Variants in OSBPL9 observed in about 807,000 individuals in gnomAD.
OSBPL9 encodes oxysterol-binding protein-related protein 9.
A neutral mutation model predicts 106.6 loss-of-function variants in OSBPL9; 40 were observed. The ratio of observed to expected loss-of-function variants is 0.38; its 90% confidence interval spans 0.29 to 0.49. The LOEUF (loss-of-function observed/expected upper bound fraction) is 0.49. Ranked by LOEUF, OSBPL9 falls within the 20% of genes least tolerant of loss-of-function variation. The probability of loss-of-function intolerance (pLI) is 0.97; values close to 1 mark genes in which losing one functional copy is unlikely to be tolerated. For missense variants in OSBPL9, 609 were observed against 887.2 expected (o/e 0.69, Z 3.98); for synonymous variants, 269 against 295.4 (o/e 0.91, Z 0.92).
chr1:51,729,939 C>A lies in OSBPL9; in HGVS notation c.319-15597C>A. The stretch of plus-strand genomic sequence containing the variant: ...GTGCTCGGGAGCAGCCCCCGGCTAC[C>A]TCCCCTGGAGGCACAGAGGGCGGGG... On this transcript the variant is annotated intron_variant, in intron 4 of 23. Coordinates refer to ENST00000428468, the MANE Select transcript of OSBPL9 (RefSeq NM_024586.6). The surrounding 1 kb of genome is among the most constrained non-coding windows in gnomAD (Gnocchi z 5.1). The A allele has an allele frequency of 5.3e-6, 7 of 1,310,384 alleles. No homozygotes were observed. The highest frequency in any genetic ancestry group is 6.9e-6 in the Non-Finnish European group (7 of 1,021,360). The allele number at this position is 1,310,384 out of a possible 1,614,324, so 81.2% of individuals were successfully genotyped here.
chr1:51,782,861 G>T lies in OSBPL9; in HGVS notation c.1513+218G>T, dbSNP rs1676719154. Among the ~76,000 whole-genome samples, 7 of 152,158 alleles carry T rather than the reference G, an allele frequency of 4.6e-5. No homozygotes were observed. In the South Asian group the frequency reaches 1.5e-3, roughly 32 times the overall value. ...ACAAATTAAGTGCGTATAAAAAGAA[G>T]GGATTTAGGAAACCAACTTTTAATG... is the stretch of plus-strand genomic sequence containing the variant. On this transcript the variant is annotated intron_variant, in intron 17 of 23. Coordinates refer to ENST00000428468, the MANE Select transcript of OSBPL9 (RefSeq NM_024586.6).
chr1:51,539,711 G>T, the OSBPL9 span, among the ~76,000 whole-genome samples: 1 of 152,104 alleles, frequency 6.6e-6, no homozygotes, highest in Non-Finnish European at 1.5e-5. Context: ...TTTGCCCAAG[G>T]TCACACAGCC....
chr1:51,747,100 G>A (rs1364678630), intron 6 of OSBPL9, among the ~76,000 whole-genome samples: 2 of 152,114 alleles, frequency 1.3e-5, no homozygotes, highest in Non-Finnish European at 2.9e-5. Flanking sequence ...CTCCCAAGTA[G>A]CTGGGATTAC....
At chr1:51,713,968 AACTT>A in intron 3 of OSBPL9, 31 bp from the exon 4 acceptor site, 1 of 1,509,838 alleles carries the variant, frequency 6.6e-7, no homozygotes, top group Non-Finnish European at 9.1e-7. Context: ...TATAGAATTA[AACTT>A]TTAATTTTAA....
At chr1:51,741,000 C>T (rs1666772504) in intron 4 of OSBPL9, among the ~76,000 whole-genome samples, 10 of 152,178 alleles carry the variant, frequency 6.6e-5, no homozygotes, top group Admixed American at 6.5e-4. Flanking sequence ...TCTTGCAGTA[C>T]TCCTTTTAAT....
At chr1:51,621,849 C>G (rs569972274) in intron 1 of OSBPL9, among the ~76,000 whole-genome samples, 1 of 152,208 alleles carries the variant, frequency 6.6e-6, no homozygotes, top group South Asian at 2.1e-4. Flanking sequence ...GTTCCTTTGT[C>G]CTCTGTATTT....
At chr1:51,598,365 T>C (rs1480887955) in intron 2 of OSBPL9, among the ~76,000 whole-genome samples, 1 of 152,274 alleles carries the variant, frequency 6.6e-6, no homozygotes, top group East Asian at 1.9e-4. Flanking sequence ...GAATGCCAAC[T>C]GGAGGAGTTT....
chr1:51,697,921 T>C (rs916181168), intron 3 of OSBPL9, among the ~76,000 whole-genome samples: 2 of 151,786 alleles, frequency 1.3e-5, no homozygotes, highest in Non-Finnish European at 2.9e-5. Flanking sequence ...CAAATTGTTC[T>C]CTGGATTAGT....
At chr1:51,585,438 T>C (rs888823722) in intron 1 of OSBPL9, among the ~76,000 whole-genome samples, 1 of 152,148 alleles carries the variant, frequency 6.6e-6, no homozygotes, top group Non-Finnish European at 1.5e-5. Flanking sequence ...GCTAAGACTA[T>C]GCTTAATAAA....
chr1:51,685,453 G>GC (rs1461841430), intron 3 of OSBPL9, among the ~76,000 whole-genome samples: 1 of 151,984 alleles, frequency 6.6e-6, no homozygotes, highest in Non-Finnish European at 1.5e-5. Flanking sequence ...TGTCACTCAG[G>GC]CTGGAGTATA....
intron 4 of OSBPL9, among the ~76,000 whole-genome samples, chr1:51,722,323 A>C (rs1320955946): frequency 6.6e-6 from 1 of 152,232 alleles, no homozygotes; most frequent in East Asian, 1.9e-4. Context: ...TTTCAGAATA[A>C]AGTGACCAAC....
chr1:51,722,164 T>TAGAC (rs888497942), intron 4 of OSBPL9, among the ~76,000 whole-genome samples: 3 of 140,074 alleles, frequency 2.1e-5, no homozygotes, highest in Admixed American at 2.1e-4. Flanking sequence ...CTAAAATAAA[T>TAGAC]AGATAGATAG....
intron 1 of OSBPL9, among the ~76,000 whole-genome samples, chr1:51,634,480 TTTGAATCCAAGTCGGCTGAAA>T (rs1645297693): frequency 6.6e-6 from 1 of 152,164 alleles, no homozygotes; most frequent in South Asian, 2.1e-4. Context: ...CCTCTGAAGG[TTTGAATCCAAGTCGGCTGAAA>T]TGAGTTGACA....
At position 51,586,775 on chromosome 1, in the gene OSBPL9, G is replaced by A. The variant is rs114941057; in HGVS notation, c.-423+9519G>A. On this transcript the variant is annotated intron_variant, in intron 1 of 25. Coordinates refer to the OSBPL9 transcript ENST00000371714. ...GCCCCTTGGGGTGGCTGGTCCCAGG[G>A]CTGTGGTGGGAAGCTCTTACAGATT... is the stretch of plus-strand genomic sequence containing the variant. 5.0e-3 allele frequency among the ~76,000 whole-genome samples: 763 copies of A among 152,298 alleles called. 1 individual carries two copies. The highest frequency in any genetic ancestry group is 8.3e-3 in the Non-Finnish European group (563 of 68,014).
At chr1:51,595,261 G>T (rs144669061) in intron 1 of OSBPL9, among the ~76,000 whole-genome samples, 2 of 152,242 alleles carry the variant, frequency 1.3e-5, no homozygotes, top group East Asian at 3.9e-4. Context: ...GCTGAGGCTT[G>T]CCTCTGGGGT....
At chr1:51,607,385 C>T (rs760630176) in intron 2 of OSBPL9, among the ~76,000 whole-genome samples, 8 of 152,104 alleles carry the variant, frequency 5.3e-5, no homozygotes, top group Non-Finnish European at 7.4e-5. Context: ...TGATCTCAAA[C>T]TCCTGACCTC....
At chr1:51,672,216 A>G (rs1032827331) in intron 3 of OSBPL9, among the ~76,000 whole-genome samples, 1 of 152,204 alleles carries the variant, frequency 6.6e-6, no homozygotes, top group African/African-American at 2.4e-5. Flanking sequence ...GGACAGAAGT[A>G]GGGAAACTAT....
At chr1:51,624,837 T>G (rs761894257) in intron 1 of OSBPL9, among the ~76,000 whole-genome samples, 9 of 152,238 alleles carry the variant, frequency 5.9e-5, no homozygotes, top group Non-Finnish European at 1.0e-4. Context: ...GTATCTCTAG[T>G]ACATTCTTTA....
intron 2 of OSBPL9, among the ~76,000 whole-genome samples, chr1:51,602,310 G>A (rs1645328497): frequency 6.6e-6 from 1 of 151,602 alleles, no homozygotes; most frequent in African/African-American, 2.4e-5. Flanking sequence ...GCCCAGCCAG[G>A]GCTCTTAAAA....
Sources: gnomAD v4.1 joint callset for allele counts (sites outside exome capture counted in the v4.1 genomes callset) on GRCh38, gnomAD v4.1.1 for gene constraint, Gnocchi (gnomAD v3.1) non-coding constraint, MANE v1.5 for transcripts, NCBI Gene and HGNC (gene_info 2026-07-23, HGNC 2026-07-21) for gene names.